Variants in TDRD9 observed in about 807,000 individuals in gnomAD.
TDRD9 encodes ATP-dependent RNA helicase TDRD9.
A neutral mutation model predicts 172.6 loss-of-function variants in TDRD9; 124 were observed. That is an observed-to-expected ratio of 0.72 (90% CI 0.62 to 0.83). The LOEUF (loss-of-function observed/expected upper bound fraction) is 0.83. Ranked by LOEUF, TDRD9 falls within the 40% of genes least tolerant of loss-of-function variation. The pLI, the probability that TDRD9 is intolerant of heterozygous loss-of-function variation, is 0.00. For synonymous variants in TDRD9, 619 were observed against 617.1 expected (o/e 1.00, Z -0.05); for missense variants, 1,479 against 1,714.1 (o/e 0.86, Z 2.42).
chr14:104,007,831 G>T lies in TDRD9; in HGVS notation c.2053-582G>T, dbSNP rs543185445. Among the ~76,000 whole-genome samples the T allele has an allele frequency of 6.6e-5, 10 of 151,854 alleles. No individual in the cohort carries two copies. The South Asian group carries it at 1.9e-3, about 28-fold the overall frequency. On this transcript the variant is annotated intron_variant, in intron 19 of 35. Coordinates refer to ENST00000409874, the MANE Select transcript of TDRD9 (RefSeq NM_153046.3). Reference sequence around the variant, plus strand: ...CTCGGTCTGTCGCCCAGGCTGGAGTGCAGTGGCACGATCTTGGCTCACTGC... The same window carrying T: ...CTCGGTCTGTCGCCCAGGCTGGAGTTCAGTGGCACGATCTTGGCTCACTGC...
chr14:103,952,729 CTTTTTTTTTTTTTTTTTT>C, intron 1 of TDRD9, among the ~76,000 whole-genome samples: 2 of 72,322 alleles, frequency 2.8e-5, no homozygotes, highest in East Asian at 8.8e-4. Flanking sequence ...AATTCTCTCT[CTTTTTTTTTTTTTTTTTT>C]TTTTTTTTAA....
At chr14:104,032,227 G>A in intron 30 of TDRD9, 140 bp downstream of exon 30, 1 of 607,500 alleles carries the variant, frequency 1.6e-6, no homozygotes, top group Non-Finnish European at 2.7e-6. Flanking sequence ...TTTTTTTTGA[G>A]ACAGAGTCTC....
intron 3 of TDRD9, among the ~76,000 whole-genome samples, chr14:103,964,358 T>C (rs896647238): frequency 1.3e-5 from 2 of 152,218 alleles, no homozygotes; most frequent in African/African-American, 4.8e-5. Context: ...AGTAGAATTA[T>C]TTGCAGATTC....
At chr14:103,998,771 C>A in intron 13 of TDRD9, 43 bp downstream of exon 13, 4 of 948,520 alleles carry the variant, frequency 4.2e-6, no homozygotes, top group Non-Finnish European at 6.7e-6. Flanking sequence ...TCATTGGTGA[C>A]ACAGTGGCAC....
intron 7 of TDRD9, among the ~76,000 whole-genome samples, chr14:103,983,056 C>CTTTTTTTTTTTT (rs397853010): frequency 1.1e-5 from 1 of 87,616 alleles, no homozygotes; most frequent in African/African-American, 4.6e-5. Flanking sequence ...CTGTGGGTCA[C>CTTTTTTTTTTTT]TTTTTTTTTT....
chr14:104,035,776 G>A (rs186624764), intron 32 of TDRD9, among the ~76,000 whole-genome samples: 2 of 152,342 alleles, frequency 1.3e-5, no homozygotes, highest in Admixed American at 1.3e-4. Flanking sequence ...CGAGATTGCA[G>A]TAGAGGCCTG....
At position 103,961,029 on chromosome 14, in the gene TDRD9, C is replaced by G. The variant is rs185918172; in HGVS notation, c.323-2050C>G. ...CCCTGTTCCTCACTAGAATACTTGCCTCTCCCTTTGTCTGCATGCTGTGTC... is the reference window on the plus strand; with the variant it reads ...CCCTGTTCCTCACTAGAATACTTGCGTCTCCCTTTGTCTGCATGCTGTGTC... On this transcript the variant is annotated intron_variant, in intron 2 of 35. Transcript: ENST00000409874. Among the ~76,000 whole-genome samples the G allele has an allele frequency of 2.7e-3, 412 of 152,248 alleles. 1 individual carries two copies. Among genetic ancestry groups the G allele is most frequent in the Non-Finnish European group, 4.7e-3 (318 of 68,024 alleles).
intron 13 of TDRD9, among the ~76,000 whole-genome samples, chr14:104,000,660 C>T (rs1229872542): frequency 6.6e-6 from 1 of 152,094 alleles, no homozygotes; most frequent in East Asian, 1.9e-4. Flanking sequence ...TGGCACACAC[C>T]TGTAATCCCA....
intron 1 of TDRD9, among the ~76,000 whole-genome samples, chr14:103,952,206 ATATATATATATATATTTTTTTTTTTTT>A: frequency 1.3e-5 from 1 of 77,154 alleles, no homozygotes; most frequent in Non-Finnish European, 2.3e-5. Context: ...ATATATATAT[ATATATATATATATATTTTTTTTTTTTT>A]TTTTTTTTTT....
rs9671937 is a variant in TDRD9 at position 104,005,152 on chromosome 14, A to T, written c.1582-122A>T. 610 of 902,672 alleles carry T rather than the reference A, an allele frequency of 6.8e-4. 2 individuals are homozygous for T. The African/African-American group carries it at 9.3e-3, about 14-fold the overall frequency. 55.9% of individuals were successfully genotyped at this position (902,672 alleles called of 1,614,324 possible). On this transcript the variant is annotated intron_variant, in intron 14 of 35. Transcript: ENST00000409874. The stretch of plus-strand genomic sequence containing the variant: ...TTCTCTCCCTCCCTCAATCCTCTCC[A>T]TTTTTCTTTCTTCTCTCCTCTCCTT...
At chr14:103,958,316 T>C (rs1412468560) in intron 2 of TDRD9, among the ~76,000 whole-genome samples, 1 of 152,048 alleles carries the variant, frequency 6.6e-6, no homozygotes, top group Non-Finnish European at 1.5e-5. Flanking sequence ...GGGAAATGTG[T>C]GCAGAGGCCT....
intron 5 of TDRD9, 142 bp downstream of exon 5, chr14:103,966,973 G>A: frequency 1.3e-6 from 1 of 770,082 alleles, no homozygotes; most frequent in Non-Finnish European, 1.9e-6. Context: ...TTCTCAGTAA[G>A]GATGGAATGT....
intron 28 of TDRD9, among the ~76,000 whole-genome samples, chr14:104,029,929 A>C (rs1309885665): frequency 6.6e-6 from 1 of 152,188 alleles, no homozygotes. Flanking sequence ...ATCTGTTGAG[A>C]TGATCAGAGA....
intron 23 of TDRD9, among the ~76,000 whole-genome samples, chr14:104,020,810 G>C (rs1227470610): frequency 6.6e-6 from 1 of 152,124 alleles, no homozygotes; most frequent in African/African-American, 2.4e-5. Context: ...TGGGGACCCA[G>C]GGGCATTAGA....
intron 32 of TDRD9, among the ~76,000 whole-genome samples, chr14:104,037,016 G>C (rs1319844380): frequency 6.6e-6 from 1 of 151,790 alleles, no homozygotes; most frequent in African/African-American, 2.4e-5. Flanking sequence ...GTCTCACTCT[G>C]TCTCTAAGGT....
At chr14:103,929,918 C>T (rs2030259450) in intron 1 of TDRD9, among the ~76,000 whole-genome samples, 1 of 152,248 alleles carries the variant, frequency 6.6e-6, no homozygotes, top group Non-Finnish European at 1.5e-5. Context: ...TTAAGTTTCA[C>T]AGACTCCCTC....
At chr14:104,008,387 A>G (rs776196224) in intron 19 of TDRD9, 26 bp from the exon 20 acceptor site, 1 of 1,266,320 alleles carries the variant, frequency 7.9e-7, no homozygotes. Context: ...CTTAATATTG[A>G]GTATTCTGCT....
chr14:103,956,150 A>ATATATATATAT (rs2032229424), intron 2 of TDRD9, among the ~76,000 whole-genome samples: 2 of 106,202 alleles, frequency 1.9e-5, no homozygotes, highest in African/African-American at 7.2e-5. Flanking sequence ...ATATATATAT[A>ATATATATATAT]ATTATTAGGC....
At chr14:103,950,924 C>T (rs2031842061) in intron 1 of TDRD9, among the ~76,000 whole-genome samples, 1 of 152,212 alleles carries the variant, frequency 6.6e-6, no homozygotes, top group Admixed American at 6.5e-5. Flanking sequence ...ATCTGCCCAG[C>T]CACTGCTTGA....
Sources: gnomAD v4.1 joint callset for allele counts (sites outside exome capture counted in the v4.1 genomes callset) on GRCh38, gnomAD v4.1.1 for gene constraint, MANE v1.5 for transcripts, NCBI Gene and HGNC (gene_info 2026-07-23, HGNC 2026-07-21) for gene names.